CRISP1: variants seen among roughly 807,000 people sequenced by gnomAD.
CRISP1 encodes cysteine rich secretory protein 1.
A neutral mutation model predicts 33.1 loss-of-function variants in CRISP1; 44 were observed. The ratio of observed to expected loss-of-function variants is 1.33; its 90% CI spans 1.05 to 1.71. The LOEUF (loss-of-function observed/expected upper bound fraction) is 1.71. Among genes scored for constraint, CRISP1 ranks in the 40% most tolerant of loss-of-function variants. The pLI is 0.00. For missense variants in CRISP1, 390 were observed against 301.2 expected (o/e 1.29, Z -2.18); for synonymous variants, 103 against 98.7 (o/e 1.04, Z -0.26).
intron 1 of CRISP1, among the ~76,000 whole-genome samples, chr6:49,865,250 AT>A (rs746139809): frequency 3.9e-5 from 6 of 152,152 alleles, no homozygotes; most frequent in Non-Finnish European, 8.8e-5. Flanking sequence ...GGAAAGGATG[AT>A]CATTTTTATA....
Position 49,836,031 on chromosome 6 carries a change from G to C in CRISP1, c.623-588C>G, listed in dbSNP as rs1770778441. On this transcript the variant is annotated intron_variant, in intron 7 of 7. Transcript: ENST00000335847. ...AAATGCACACGAAATTCTCCAATCA[G>C]TATGAAGATACCCAAAATTTTAAAT... 3.9e-5 allele frequency among the ~76,000 whole-genome samples: 6 copies of C among 152,222 alleles called. No homozygotes were observed. In the South Asian group the frequency reaches 1.2e-3, roughly 32 times the overall value.
intron 2 of CRISP1, among the ~76,000 whole-genome samples, chr6:49,852,905 A>G (rs906335794): frequency 4.0e-5 from 6 of 150,788 alleles, no homozygotes; most frequent in African/African-American, 1.2e-4. Flanking sequence ...TGTACTTCAT[A>G]CCTTTTTTAA....
Position 49,835,411 on chromosome 6 carries a change from C to G in CRISP1, c.655G>C (p.Asp219His), listed in dbSNP as rs766830688. Residue 219 changes from aspartate to histidine, a missense_variant, in exon 8 of 8, where the codon GAC (aspartate) becomes CAC (histidine). Physicochemically the swap from Asp to His is moderately conservative, Grantham distance 81. Transcript: ENST00000335847. ...NPCIYYDEYF[D>H]CDIQVHYLGC... is the part of the protein sequence containing the mutation. The stretch of plus-strand genomic sequence containing the variant: ...AGATAATGGACTTGTATGTCACAGT[C>G]GAAGTATTCATCATAGTAGATGCAG... 7.4e-6 allele frequency: 12 copies of G among 1,613,380 alleles called. No homozygotes were observed. Among genetic ancestry groups the G allele is most frequent in the Non-Finnish European group, 1.0e-5 (12 of 1,179,638 alleles).
rs1572882 is a variant in CRISP1, at chr6:49,841,003, G to A, written c.436-8C>T. 0.13 allele frequency: 207,201 copies of A among 1,605,880 alleles called. 15,351 individuals are homozygous for A. The highest frequency in any genetic ancestry group is 0.15 in the Non-Finnish European group (178,435 of 1,173,100). ...AGATGTGGCCCAAACAATCTGCAAT[G>A]ATAAAGAGTTGTTTTATTACAGATT... On this transcript the variant is annotated splice_region_variant and splice_polypyrimidine_tract_variant and intron_variant, in intron 5 of 7. Coordinates refer to ENST00000335847, the MANE Select transcript of CRISP1 (RefSeq NM_001131.3).
chr6:49,869,688 G>A (rs1216846586), upstream of CRISP1, among the ~76,000 whole-genome samples: 1 of 152,074 alleles, frequency 6.6e-6, no homozygotes, highest in Non-Finnish European at 1.5e-5. Flanking sequence ...TTCTTTCCCA[G>A]GAGTAAAAGT....
intron 4 of CRISP1, among the ~76,000 whole-genome samples, chr6:49,847,855 C>A (rs1237579979): frequency 6.6e-6 from 1 of 152,038 alleles, no homozygotes; most frequent in East Asian, 1.9e-4. Context: ...CTAAGCAGAT[C>A]CCCATGGTGC....
At chr6:49,864,000 C>G (rs1352659035) in intron 1 of CRISP1, among the ~76,000 whole-genome samples, 4 of 152,088 alleles carry the variant, frequency 2.6e-5, no homozygotes, top group Non-Finnish European at 5.9e-5. Flanking sequence ...GTAACCACTA[C>G]CAAAAGCAAT....
At chr6:49,835,935 T>C (rs186064218) in intron 7 of CRISP1, among the ~76,000 whole-genome samples, 46 of 152,328 alleles carry the variant, frequency 3.0e-4, no homozygotes, top group African/African-American at 1.0e-3. Flanking sequence ...ACTAACATTC[T>C]AGTGATTTTT....
At chr6:49,868,616 T>C (rs1771854482), upstream of CRISP1, among the ~76,000 whole-genome samples, 1 of 152,186 alleles carries the variant, frequency 6.6e-6, no homozygotes, top group Admixed American at 6.6e-5. Context: ...ATTTGTAAAA[T>C]AATTTTGCAT....
At chr6:49,855,549 T>C (rs1771471188) in intron 2 of CRISP1, among the ~76,000 whole-genome samples, 2 of 152,072 alleles carry the variant, frequency 1.3e-5, no homozygotes, top group African/African-American at 4.8e-5. Context: ...CAAAGCCAAC[T>C]TATTCTTCAG....
chr6:49,874,921 G>A (rs1055738946), intron 1 of CRISP1, among the ~76,000 whole-genome samples: 3 of 151,884 alleles, frequency 2.0e-5, no homozygotes, highest in Admixed American at 6.6e-5. Flanking sequence ...AAAATAATAA[G>A]AGCCATATAT....
In CRISP1 at chr6:49,852,054, G is replaced by A. The variant is rs1771362532; in HGVS notation, c.142C>T (p.His48Tyr). ...ACTACTCTTCTCCTGAGGGCGTTGTGTATATTAACGATCTCTTCTTGTACA... is the reference window on the plus strand; with the variant it reads ...ACTACTCTTCTCCTGAGGGCGTTGTATATATTAACGATCTCTTCTTGTACA... ...PNVQEEIVNI[H>Y]NALRRRVVPP... The change falls in exon 3 of 8, where the codon CAC becomes TAC. Residue 48 changes from histidine (H) to tyrosine (Y), a missense_variant. By Grantham distance (83) the His-to-Tyr change is moderately conservative (BLOSUM62 2). Coordinates refer to ENST00000335847, the MANE Select transcript of CRISP1 (RefSeq NM_001131.3). 6.2e-7 allele frequency: 1 copy of A among 1,613,216 alleles called. No individual in the cohort carries two copies. Among genetic ancestry groups the A allele is most frequent in the Non-Finnish European group, 8.5e-7 (1 of 1,179,510 alleles).
chr6:49,846,808 TC>T, intron 4 of CRISP1, 140 bp from the exon 5 acceptor site: 1 of 796,846 alleles, frequency 1.3e-6, no homozygotes, highest in Non-Finnish European at 1.9e-6. Flanking sequence ...ATAAGTTGTA[TC>T]CCCACTGAAA....
chr6:49,836,540 A>G (rs946971950), intron 7 of CRISP1, among the ~76,000 whole-genome samples: 1 of 151,630 alleles, frequency 6.6e-6, no homozygotes, highest in African/African-American at 2.4e-5. Context: ...GGGTTTCACC[A>G]TGTTAGCCAG....
At chr6:49,863,727 C>A (rs1186078748) in intron 1 of CRISP1, among the ~76,000 whole-genome samples, 1 of 152,204 alleles carries the variant, frequency 6.6e-6, no homozygotes, top group Non-Finnish European at 1.5e-5. Flanking sequence ...GGGGAATGCA[C>A]TCTCATAGAA....
At chr6:49,839,509 G>T (rs988965217) in intron 6 of CRISP1, among the ~76,000 whole-genome samples, 1 of 152,012 alleles carries the variant, frequency 6.6e-6, no homozygotes, top group African/African-American at 2.4e-5. Context: ...AAAACATAAT[G>T]TAGATAATAT....
intron 3 of CRISP1, 81 bp from the exon 4 acceptor site, chr6:49,848,380 G>A (rs752184258): frequency 2.9e-5 from 22 of 754,102 alleles, no homozygotes; most frequent in African/African-American, 1.3e-4. Context: ...AATAATCCAC[G>A]AGATATAATA....
intron 2 of CRISP1, among the ~76,000 whole-genome samples, chr6:49,856,577 T>A (rs1245906575): frequency 2.0e-5 from 3 of 152,232 alleles, no homozygotes; most frequent in South Asian, 2.1e-4. Context: ...GCATATGGAT[T>A]TTCTTTCCAC....
upstream of CRISP1, among the ~76,000 whole-genome samples, chr6:49,871,495 A>C (rs1482257820): frequency 2.0e-5 from 3 of 151,904 alleles, no homozygotes; most frequent in African/African-American, 7.2e-5. Context: ...TACATTAGAA[A>C]TCTGTAAACA....
Sources: gnomAD v4.1 joint callset for allele counts (sites outside exome capture counted in the v4.1 genomes callset) on GRCh38, gnomAD v4.1.1 for gene constraint, MANE v1.5 for transcripts, NCBI Gene and HGNC (gene_info 2026-07-23, HGNC 2026-07-21) for gene names.